CEP112: variants seen among roughly 807,000 people sequenced by gnomAD.
The protein encoded by CEP112 is centrosomal protein of 112 kDa.
Under a neutral mutation model 153.0 loss-of-function variants are expected in CEP112, and 127 were observed. The observed-to-expected ratio is 0.83, with a 90% CI of 0.72 to 0.96. CEP112 has a LOEUF of 0.96. Among genes scored for constraint, CEP112 ranks in the 40% least tolerant of loss-of-function variants. CEP112 has a pLI of 0.00. For synonymous variants in CEP112, 358 were observed against 374.4 expected (o/e 0.96, Z 0.51); for missense variants, 1,089 against 1,101.2 (o/e 0.99, Z 0.16).
At chr17:65,779,215 C>T (rs1168403476) in intron 21 of CEP112, among the ~76,000 whole-genome samples, 2 of 152,116 alleles carry the variant, frequency 1.3e-5, no homozygotes, top group Admixed American at 1.3e-4. Flanking sequence ...ATCTTACTAA[C>T]TTAGTTGAAA....
intron 21 of CEP112, among the ~76,000 whole-genome samples, chr17:65,787,570 C>G (rs1249882027): frequency 6.6e-6 from 1 of 152,134 alleles, no homozygotes; most frequent in African/African-American, 2.4e-5. Context: ...CTTTAAGATA[C>G]TTAAGGTATT....
intron 20 of CEP112, among the ~76,000 whole-genome samples, chr17:65,894,673 T>G (rs1032953404): frequency 5.3e-5 from 8 of 152,092 alleles, no homozygotes; most frequent in Non-Finnish European, 1.0e-4. Flanking sequence ...ATTCCTACGC[T>G]GTTTTTATCA....
At chr17:66,155,332 G>A (rs1466724309) in intron 4 of CEP112, among the ~76,000 whole-genome samples, 2 of 152,094 alleles carry the variant, frequency 1.3e-5, no homozygotes, top group Non-Finnish European at 2.9e-5. Context: ...ATGAGGGACT[G>A]TGCCGTGAGG....
intron 17 of CEP112, among the ~76,000 whole-genome samples, chr17:65,975,722 T>C (rs2063008752): frequency 6.6e-6 from 1 of 152,144 alleles, no homozygotes; most frequent in Non-Finnish European, 1.5e-5. Context: ...TAAGATAGAA[T>C]AGGAAAAGCA....
At position 65,920,561 on chromosome 17, in the gene CEP112, C is replaced by A. The variant is rs180796132; in HGVS notation, c.1980+7021G>T. Among the ~76,000 whole-genome samples the A allele has an allele frequency of 2.6e-3, 389 of 150,036 alleles. 6 individuals carry two copies. The highest frequency in any genetic ancestry group is 8.9e-3 in the African/African-American group (361 of 40,660). On this transcript the variant is annotated intron_variant, in intron 19 of 26. Transcript: ENST00000535342. ...CTTTTAGGATTTTTATCACACAGAC[C>A]AAGCCCAGTACTCCCTGAAATTCAG...
At chr17:66,022,990 A>C (rs762791710) in intron 16 of CEP112, among the ~76,000 whole-genome samples, 5 of 152,058 alleles carry the variant, frequency 3.3e-5, no homozygotes, top group African/African-American at 7.2e-5. Context: ...AAGACTTTTG[A>C]ATTAATCCAG....
chr17:65,774,051 C>G (rs1408816528), intron 21 of CEP112, among the ~76,000 whole-genome samples: 1 of 150,414 alleles, frequency 6.6e-6, no homozygotes, highest in African/African-American at 2.5e-5. Context: ...TGCACCACTG[C>G]ACTCCAGCCT....
At chr17:66,133,890 A>T (rs560224588) in intron 4 of CEP112, among the ~76,000 whole-genome samples, 2 of 152,340 alleles carry the variant, frequency 1.3e-5, no homozygotes, top group South Asian at 4.1e-4. Context: ...ACTAGTTAAT[A>T]AGTAATGTAA....
chr17:66,059,680 A>C (rs1165980158), intron 11 of CEP112, among the ~76,000 whole-genome samples: 1 of 152,204 alleles, frequency 6.6e-6, no homozygotes, highest in East Asian at 1.9e-4. Context: ...AGAAAAAGGA[A>C]TGCTTATATA....
intron 24 of CEP112, among the ~76,000 whole-genome samples, chr17:65,650,029 T>C (rs1444362024): frequency 6.6e-6 from 1 of 152,258 alleles, no homozygotes; most frequent in East Asian, 1.9e-4. Context: ...CCTATCCACC[T>C]GCTAACCTCC....
At chr17:65,961,789 T>C (rs575080786) in intron 17 of CEP112, among the ~76,000 whole-genome samples, 191 bp from the exon 18 acceptor site, 124 of 152,346 alleles carry the variant, frequency 8.1e-4, no homozygotes, top group African/African-American at 3.0e-3. Context: ...AAACATATAT[T>C]GTGTATTCTG....
intron 20 of CEP112, among the ~76,000 whole-genome samples, chr17:65,887,768 C>A (rs993800182): frequency 6.6e-6 from 1 of 152,166 alleles, no homozygotes; most frequent in African/African-American, 2.4e-5. Context: ...AGCCCTGCAG[C>A]CTGATCCTGA....
chr17:65,853,650 C>A (rs2058037967), intron 20 of CEP112, among the ~76,000 whole-genome samples: 1 of 151,820 alleles, frequency 6.6e-6, no homozygotes, highest in Non-Finnish European at 1.5e-5. Context: ...ACTGCTTGAA[C>A]CTGGGAGGTG....
At chr17:65,928,902 CAT>C (rs1415266046) in intron 18 of CEP112, among the ~76,000 whole-genome samples, 1 of 152,098 alleles carries the variant, frequency 6.6e-6, no homozygotes, top group Non-Finnish European at 1.5e-5. Context: ...AAAACTAACA[CAT>C]GTTATAACAT....
intron 8 of CEP112, among the ~76,000 whole-genome samples, chr17:66,075,591 C>A (rs768728613): frequency 2.0e-5 from 3 of 152,242 alleles, no homozygotes; most frequent in East Asian, 3.9e-4. Context: ...CTAACCATAT[C>A]GATCAGTAAC....
chr17:65,909,292 G>T (rs1274490960), intron 19 of CEP112, among the ~76,000 whole-genome samples: 1 of 152,162 alleles, frequency 6.6e-6, no homozygotes, highest in Non-Finnish European at 1.5e-5. Flanking sequence ...GTAAAAACGG[G>T]TTATAGCTAG....
At chr17:65,734,641 T>A (rs2145049343) in intron 23 of CEP112, among the ~76,000 whole-genome samples, 1 of 152,354 alleles carries the variant, frequency 6.6e-6, no homozygotes, top group South Asian at 2.1e-4. Context: ...AATGTCTGAT[T>A]TGATAGAAGG....
chr17:66,013,767 T>A (rs1452679511), intron 16 of CEP112, among the ~76,000 whole-genome samples: 1 of 151,970 alleles, frequency 6.6e-6, no homozygotes, highest in East Asian at 1.9e-4. Flanking sequence ...GGTGGGGCGC[T>A]GGCAGACCAG....
chr17:66,018,623 T>C (rs1048813764), intron 16 of CEP112, among the ~76,000 whole-genome samples: 1 of 152,244 alleles, frequency 6.6e-6, no homozygotes, highest in Non-Finnish European at 1.5e-5. Flanking sequence ...TTAAAAATCA[T>C]GTCAGTGGTA....
Sources: gnomAD v4.1 joint callset for allele counts (sites outside exome capture counted in the v4.1 genomes callset) on GRCh38, gnomAD v4.1.1 for gene constraint, MANE v1.5 for transcripts, NCBI Gene and HGNC (gene_info 2026-07-23, HGNC 2026-07-21) for gene names.